USP38: variants seen among roughly 807,000 people sequenced by gnomAD.
The protein encoded by USP38 is ubiquitin carboxyl-terminal hydrolase 38.
Under a neutral mutation model 94.3 loss-of-function variants are expected in USP38, and 49 were observed. The ratio of observed to expected loss-of-function variants is 0.52; its 90% CI spans 0.41 to 0.66. The LOEUF (loss-of-function observed/expected upper bound fraction) is 0.66. Ranked by LOEUF, USP38 falls within the 30% of genes least tolerant of loss-of-function variation. USP38 has a pLI of 0.00. For synonymous variants in USP38, 468 were observed against 463.6 expected (o/e 1.01, Z -0.12); for missense variants, 1,128 against 1,229.4 (o/e 0.92, Z 1.23).
rs72721012 is a variant in USP38 at position 143,219,473 on chromosome 4, C to T, written c.2968-822C>T. Among the ~76,000 whole-genome samples the T allele has an allele frequency of 6.2e-3, 936 of 152,106 alleles. 6 individuals are homozygous for T. Among genetic ancestry groups the T allele is most frequent in the South Asian group, 0.013 (64 of 4,824 alleles). ...TGAAAAATCGAAATAATAGTGTTTT[C>T]GTTATTAATGTTAACTGTATTTTGA... is the stretch of plus-strand genomic sequence containing the variant. On this transcript the variant is annotated intron_variant, in intron 9 of 9. Coordinates refer to ENST00000307017, the MANE Select transcript of USP38 (RefSeq NM_032557.6).
rs1731170725 is a variant in USP38, at chr4:143,185,140, C to G, written c.-311C>G. 1 of 238,660 alleles carries G rather than the reference C, an allele frequency of 4.2e-6. No individual in the cohort carries two copies. Among genetic ancestry groups the G allele is most frequent in the Admixed American group, 5.6e-5 (1 of 17,954 alleles). The allele number at this position is 238,660 out of a possible 1,614,324, so 14.8% of individuals were successfully genotyped here. On this transcript the variant is annotated 5_prime_UTR_variant, in exon 1 of 10. Transcript: ENST00000307017. ...CTCCCGCCGACGCCGCTGGGGGGCC[C>G]GACAGGCCCCTCGGCGCTGATGCTG... is the stretch of plus-strand genomic sequence containing the variant.
In USP38 at chr4:143,220,442, A is replaced by T; in HGVS notation, c.3115A>T (p.Arg1039Ter). 6.2e-7 allele frequency: 1 copy of T among 1,612,384 alleles called. No homozygotes were observed. The highest frequency in any genetic ancestry group is 8.5e-7 in the Non-Finnish European group (1 of 1,179,142). The change falls in exon 10 of 10, where the codon AGA (arginine) becomes TGA (stop). Residue 1039 changes from arginine to a stop codon, truncating the protein, a stop_gained. Transcript: ENST00000307017. LOFTEE classifies it high-confidence loss of function. ...TGGAGGAGGATTTAATACAGTTGGC[A>T]GACTCGTATTTTGATCCTGAGAGAG... Reference protein sequence around the residue: ...GGGGGFNTVGRLVF With the variant: ...GGGGGFNTVG
Sources: gnomAD v4.1 joint callset for allele counts (sites outside exome capture counted in the v4.1 genomes callset) on GRCh38, gnomAD v4.1.1 for gene constraint, MANE v1.5 for transcripts, NCBI Gene and HGNC (gene_info 2026-07-23, HGNC 2026-07-21) for gene names.